Variants in SHISA9 observed in about 807,000 individuals in gnomAD.
SHISA9 encodes protein shisa-9.
In SHISA9, 13 loss-of-function variants were observed where a neutral mutation model predicts 38.0. The observed-to-expected ratio is 0.34, with a 90% confidence interval of 0.22 to 0.54. SHISA9 has a LOEUF of 0.54. Among genes scored for constraint, SHISA9 ranks in the 20% least tolerant of loss-of-function variants. The probability of loss-of-function intolerance (pLI) is 0.91; values close to 1 mark genes in which losing one functional copy is unlikely to be tolerated. For synonymous variants in SHISA9, 275 were observed against 242.0 expected, an observed-to-expected ratio of 1.14 and a Z score of -1.27; for missense variants, 538 against 575.8, an observed-to-expected ratio of 0.93 and a Z score of 0.67.
At chr16:13,057,281 A>T (rs915352627) in intron 2 of SHISA9, among the ~76,000 whole-genome samples, 1 of 152,184 alleles carries the variant, frequency 6.6e-6, no homozygotes, top group Non-Finnish European at 1.5e-5. Flanking sequence ...ATGGGATGGG[A>T]CTCTCATTTA....
At chr16:12,910,202 T>C (rs948408566) in intron 1 of SHISA9, 2 of 152,830 alleles carry the variant, frequency 1.3e-5, no homozygotes, top group African/African-American at 4.8e-5. Context: ...AATTGTCTCT[T>C]CTACTCAGTA....
chr16:13,169,146 C>G (rs2050663686), intron 2 of SHISA9, among the ~76,000 whole-genome samples: 1 of 152,184 alleles, frequency 6.6e-6, no homozygotes, highest in Non-Finnish European at 1.5e-5. Flanking sequence ...TGGCCATTTC[C>G]TTTGTCTTAC....
chr16:13,056,381 G>A (rs1416470701), intron 2 of SHISA9, among the ~76,000 whole-genome samples: 1 of 152,192 alleles, frequency 6.6e-6, no homozygotes, highest in Non-Finnish European at 1.5e-5. Flanking sequence ...CTGAAGGCAA[G>A]GAGATAAAGT....
At chr16:13,174,336 T>A (rs1350543504) in intron 2 of SHISA9, among the ~76,000 whole-genome samples, 2 of 152,126 alleles carry the variant, frequency 1.3e-5, no homozygotes, top group Non-Finnish European at 2.9e-5. Context: ...TTCCTCCTCC[T>A]CATGTACCTT....
At chr16:12,919,997 A>T (rs111549061) in intron 2 of SHISA9, among the ~76,000 whole-genome samples, 93 of 152,178 alleles carry the variant, frequency 6.1e-4, no homozygotes, top group African/African-American at 2.2e-3. Context: ...GACTTCCCTG[A>T]CTGCCAGTGA....
chr16:12,913,811 A>G (rs1287665333), intron 1 of SHISA9, among the ~76,000 whole-genome samples: 4 of 152,054 alleles, frequency 2.6e-5, no homozygotes, highest in African/African-American at 7.2e-5. Flanking sequence ...AATATTTTCA[A>G]GATTCATTTA....
chr16:13,071,563 TCCTTCCTC>T (rs750883919), intron 2 of SHISA9, among the ~76,000 whole-genome samples: 107 of 138,278 alleles, frequency 7.7e-4, no homozygotes, highest in Non-Finnish European at 1.0e-3. Flanking sequence ...CCTTTTTCCT[TCCTTCCTC>T]CCTTCCTCCC....
the SHISA9 span, among the ~76,000 whole-genome samples, chr16:13,361,107 CTT>C: frequency 1.3e-5 from 2 of 152,238 alleles, no homozygotes; most frequent in Non-Finnish European, 2.9e-5. Context: ...AGTACTCACA[CTT>C]TTTCCTTCAT....
chr16:13,097,345 G>A (rs73520654), intron 2 of SHISA9, among the ~76,000 whole-genome samples: 18,863 of 152,052 alleles, frequency 0.12, 1,691 homozygotes, highest in African/African-American at 0.23. Flanking sequence ...ATCTACCCAA[G>A]TGGACAGCAG....
At chr16:13,446,322 TA>T in the SHISA9 span, among the ~76,000 whole-genome samples, 2 of 152,162 alleles carry the variant, frequency 1.3e-5, no homozygotes, top group Non-Finnish European at 2.9e-5. Flanking sequence ...TAACATTCAA[TA>T]TAATGAAAAA....
chr16:13,193,593 G>T (rs534142302), intron 2 of SHISA9, among the ~76,000 whole-genome samples: 2 of 152,148 alleles, frequency 1.3e-5, no homozygotes, highest in African/African-American at 4.8e-5. Context: ...TGATCCACCC[G>T]CCTTGGACTC....
At chr16:13,437,869 T>C in the SHISA9 span, among the ~76,000 whole-genome samples, 2 of 78,322 alleles carry the variant, frequency 2.6e-5, no homozygotes, top group Admixed American at 1.9e-4. Flanking sequence ...TTTTTCTTTT[T>C]TTTTTTTTTT....
At chr16:13,119,472 A>C (rs567128089) in intron 2 of SHISA9, among the ~76,000 whole-genome samples, 143 of 152,336 alleles carry the variant, frequency 9.4e-4, no homozygotes, top group Middle Eastern at 6.8e-3. Flanking sequence ...GATCTAAAGT[A>C]CATGTTTATT....
chr16:13,148,689 G>GCGCGCACACA (rs6145754), intron 2 of SHISA9, among the ~76,000 whole-genome samples: 26 of 132,538 alleles, frequency 2.0e-4, no homozygotes, highest in African/African-American at 8.3e-4. Context: ...ACATACACAA[G>GCGCGCACACA]CACACACACA....
At chr16:13,023,936 G>T (rs1022496678) in intron 2 of SHISA9, among the ~76,000 whole-genome samples, 7 of 152,170 alleles carry the variant, frequency 4.6e-5, no homozygotes, top group African/African-American at 1.7e-4. Flanking sequence ...AGATGGGAAG[G>T]GATGATAACA....
the SHISA9 span, among the ~76,000 whole-genome samples, chr16:13,449,197 A>T: frequency 6.6e-6 from 1 of 152,238 alleles, no homozygotes; most frequent in Non-Finnish European, 1.5e-5. Context: ...AAAATTAAAT[A>T]TACAATATAG....
chr16:13,261,892 G>A, the SHISA9 span, among the ~76,000 whole-genome samples: 21,100 of 152,130 alleles, frequency 0.14, 1,538 homozygotes, highest in Middle Eastern at 0.18. Flanking sequence ...CTCAGGAGTC[G>A]AAACATCTCT....
At chr16:13,297,673 C>A in the SHISA9 span, among the ~76,000 whole-genome samples, 1 of 152,204 alleles carries the variant, frequency 6.6e-6, no homozygotes, top group African/African-American at 2.4e-5. Context: ...TGGCGTTGAG[C>A]TTCTTGACAG....
chr16:13,349,470 C>A, the SHISA9 span, among the ~76,000 whole-genome samples: 1 of 152,202 alleles, frequency 6.6e-6, no homozygotes, highest in Non-Finnish European at 1.5e-5. Context: ...CCTGAGAACA[C>A]TGGAATACAA....
Sources: gnomAD v4.1 joint callset for allele counts (sites outside exome capture counted in the v4.1 genomes callset) on GRCh38, gnomAD v4.1.1 for gene constraint, MANE v1.5 for transcripts, NCBI Gene and HGNC (gene_info 2026-07-23, HGNC 2026-07-21) for gene names.